CDH13: variants seen among roughly 807,000 people sequenced by gnomAD.
CDH13 encodes cadherin-13.
A neutral mutation model predicts 63.8 loss-of-function variants in CDH13; 24 were observed. That is an observed-to-expected ratio of 0.38 (90% CI 0.27 to 0.53). The LOEUF is 0.53. CDH13 is among the 20% of genes least tolerant of loss of function. The pLI is 0.85. For synonymous variants in CDH13, 503 were observed against 355.3 expected (o/e 1.42, Z -4.67); for missense variants, 1,049 against 903.1 (o/e 1.16, Z -2.07).
chr16:83,172,057 C>T (rs138961236), intron 4 of CDH13, among the ~76,000 whole-genome samples: 1 of 152,054 alleles, frequency 6.6e-6, no homozygotes, highest in African/African-American at 2.4e-5. Flanking sequence ...AGAGTGTGAC[C>T]TTACTTGGAC....
chr16:82,749,175 CAG>C (rs984035976), intron 1 of CDH13, among the ~76,000 whole-genome samples: 3 of 151,586 alleles, frequency 2.0e-5, no homozygotes, highest in Admixed American at 6.6e-5. Flanking sequence ...GAGAGAGAGA[CAG>C]AGAGAGAGAA....
At chr16:83,522,812 C>T (rs929836242) in intron 7 of CDH13, among the ~76,000 whole-genome samples, 1 of 152,178 alleles carries the variant, frequency 6.6e-6, no homozygotes, top group Non-Finnish European at 1.5e-5. Context: ...GAGGCTCTGA[C>T]CTCCACCTAT....
At chr16:83,550,592 G>T (rs2075472330) in intron 7 of CDH13, among the ~76,000 whole-genome samples, 1 of 152,200 alleles carries the variant, frequency 6.6e-6, no homozygotes, top group Non-Finnish European at 1.5e-5. Flanking sequence ...TCCTGCTGAT[G>T]CAGCTGTGGG....
At chr16:82,694,425 T>C (rs566679791) in intron 1 of CDH13, among the ~76,000 whole-genome samples, 14 of 152,338 alleles carry the variant, frequency 9.2e-5, no homozygotes, top group Admixed American at 3.9e-4. Flanking sequence ...ATAGACAATA[T>C]TCATATTCTT....
At chr16:83,455,902 GAC>G (rs2073013165) in intron 6 of CDH13, among the ~76,000 whole-genome samples, 1 of 152,198 alleles carries the variant, frequency 6.6e-6, no homozygotes, top group Non-Finnish European at 1.5e-5. Context: ...CTGGAAAAAC[GAC>G]AGACTAGTGC....
intron 1 of CDH13, chr16:82,723,120 G>C (rs181731314): frequency 6.6e-6 from 1 of 152,230 alleles, no homozygotes; most frequent in Non-Finnish European, 1.5e-5. Flanking sequence ...GTGGACCTGG[G>C]GAACAGTCTG....
chr16:82,786,819 A>G lies in CDH13; in HGVS notation c.46-71543A>G, dbSNP rs373559751. On this transcript the variant is annotated intron_variant, in intron 1 of 13. Transcript: ENST00000567109. ...GGTTTCCAGCTTCATTCATGTCCCTACAAAGGTCATGAACTCATCCTTTTC... is the reference window on the plus strand; with the variant it reads ...GGTTTCCAGCTTCATTCATGTCCCTGCAAAGGTCATGAACTCATCCTTTTC... Among the ~76,000 whole-genome samples, 1,516 of 151,990 alleles carry G rather than the reference A, an allele frequency of 1.0e-2. 12 individuals are homozygous for G. The highest frequency in any genetic ancestry group is 0.078 in the Middle Eastern group (23 of 294).
intron 4 of CDH13, among the ~76,000 whole-genome samples, chr16:83,187,206 G>C (rs2038553607): frequency 6.6e-6 from 1 of 152,098 alleles, no homozygotes. Context: ...CCTGGCCTCA[G>C]GTGATCCACC....
At chr16:83,024,755 C>G (rs1275734920) in intron 2 of CDH13, among the ~76,000 whole-genome samples, 1 of 152,184 alleles carries the variant, frequency 6.6e-6, no homozygotes, top group Non-Finnish European at 1.5e-5. Flanking sequence ...TTGTCTTCAC[C>G]AACAATCCGT....
intron 1 of CDH13, among the ~76,000 whole-genome samples, chr16:82,815,158 C>T (rs777477758): frequency 6.6e-6 from 1 of 152,110 alleles, no homozygotes; most frequent in African/African-American, 2.4e-5. Context: ...TTAGAAAGTA[C>T]TGCATGGTTA....
intron 2 of CDH13, among the ~76,000 whole-genome samples, chr16:83,003,564 A>G (rs1913167585): frequency 6.6e-6 from 1 of 152,238 alleles, no homozygotes; most frequent in Non-Finnish European, 1.5e-5. Flanking sequence ...ATACCCAAGC[A>G]AGTATAGCTC....
chr16:82,800,594 A>C (rs902169381), intron 1 of CDH13, among the ~76,000 whole-genome samples: 4 of 152,214 alleles, frequency 2.6e-5, no homozygotes, highest in Non-Finnish European at 4.4e-5. Flanking sequence ...AGAACCATTA[A>C]TTTTCAGGTA....
intron 1 of CDH13, among the ~76,000 whole-genome samples, chr16:82,745,648 A>G (rs2034128809): frequency 6.6e-6 from 1 of 152,178 alleles, no homozygotes; most frequent in Non-Finnish European, 1.5e-5. Context: ...TCCATCATAC[A>G]TCATCGTAGG....
chr16:83,589,277 T>TC (rs1246153774), intron 7 of CDH13, among the ~76,000 whole-genome samples: 77 of 30,770 alleles, frequency 2.5e-3, no homozygotes, highest in East Asian at 0.015. Flanking sequence ...CTTTCTCCCT[T>TC]TCCCCCCCCC....
intron 7 of CDH13, among the ~76,000 whole-genome samples, chr16:83,505,879 C>T (rs1035421710): frequency 6.6e-6 from 1 of 152,146 alleles, no homozygotes; most frequent in Admixed American, 6.5e-5. Context: ...TTAAAAGCAG[C>T]CTCCATTGCC....
At chr16:83,196,731 C>T (rs572943855) in intron 4 of CDH13, among the ~76,000 whole-genome samples, 34 of 152,280 alleles carry the variant, frequency 2.2e-4, no homozygotes, top group African/African-American at 7.2e-4. Context: ...ATTAAAACCA[C>T]AACAGACTAC....
chr16:83,515,541 G>T (rs1567728804), intron 7 of CDH13, among the ~76,000 whole-genome samples: 1 of 152,166 alleles, frequency 6.6e-6, no homozygotes, highest in Non-Finnish European at 1.5e-5. Flanking sequence ...GCTAGAAAAA[G>T]ATACTGGTTT....
At chr16:83,013,838 G>C (rs1914404747) in intron 2 of CDH13, among the ~76,000 whole-genome samples, 1 of 152,164 alleles carries the variant, frequency 6.6e-6, no homozygotes, top group Non-Finnish European at 1.5e-5. Context: ...TCTAGTGAGA[G>C]AGACACAACA....
At chr16:83,418,212 A>T (rs1423816136) in intron 6 of CDH13, among the ~76,000 whole-genome samples, 1 of 152,080 alleles carries the variant, frequency 6.6e-6, no homozygotes, top group African/African-American at 2.4e-5. Context: ...GGGCGGTCTC[A>T]CCTCTCTTTT....
Sources: allele counts gnomAD v4.1 joint callset (sites outside exome capture counted in the v4.1 genomes callset), GRCh38; gene constraint gnomAD v4.1.1; transcripts MANE v1.5; gene names NCBI Gene and HGNC (gene_info 2026-07-23, HGNC 2026-07-21).